The following PCSK5 variants were observed in gnomAD, a reference collection of about 807,000 sequenced individuals.
PCSK5 encodes prohormone convertase 5.
PCSK5 carries 129 observed loss-of-function variants against 233.2 expected under a neutral mutation model. The observed-to-expected ratio is 0.55, with a 90% CI of 0.48 to 0.64. The LOEUF is 0.64. Ranked by LOEUF, PCSK5 falls within the 30% of genes least tolerant of loss-of-function variation. PCSK5 has a pLI of 0.00. For synonymous variants in PCSK5, 825 were observed against 879.2 expected, an observed-to-expected ratio of 0.94 and a Z score of 1.09; for missense variants, 2,076 against 2,430.1, an observed-to-expected ratio of 0.85 and a Z score of 3.06.
chr9:75,898,431 A>G (rs1028011370), intron 1 of PCSK5, among the ~76,000 whole-genome samples: 28 of 152,282 alleles, frequency 1.8e-4, no homozygotes, highest in African/African-American at 6.5e-4. Context: ...CAGTATTGAA[A>G]TTAACACCTG....
chr9:76,126,811 C>T (rs1051475878), intron 9 of PCSK5, among the ~76,000 whole-genome samples: 20 of 152,142 alleles, frequency 1.3e-4, no homozygotes, highest in African/African-American at 2.2e-4. Flanking sequence ...GGGGATTAGA[C>T]GATGAGAGAT....
intron 2 of PCSK5, among the ~76,000 whole-genome samples, chr9:75,945,196 A>G (rs1255549146): frequency 6.6e-6 from 1 of 151,068 alleles, no homozygotes; most frequent in Non-Finnish European, 1.5e-5. Context: ...ATAATATAAC[A>G]TATAAAATAT....
At chr9:75,945,163 T>C (rs1453895043) in intron 2 of PCSK5, among the ~76,000 whole-genome samples, 2 of 150,402 alleles carry the variant, frequency 1.3e-5, no homozygotes, top group East Asian at 3.9e-4. Context: ...AAGAATAACA[T>C]ATAAGATATA....
At chr9:76,114,888 A>G (rs77422553) in intron 9 of PCSK5, among the ~76,000 whole-genome samples, 2,306 of 152,180 alleles carry the variant, frequency 0.015, 62 homozygotes, top group African/African-American at 0.053. Context: ...TTTGTGCTGG[A>G]GCAAGGCAAG....
At chr9:76,285,919 A>C (rs894991069) in intron 24 of PCSK5, among the ~76,000 whole-genome samples, 2 of 152,240 alleles carry the variant, frequency 1.3e-5, no homozygotes, top group African/African-American at 4.8e-5. Context: ...ATAGTGAACT[A>C]TTAAATTTCT....
At chr9:76,127,477 A>G (rs940591662) in intron 9 of PCSK5, among the ~76,000 whole-genome samples, 1 of 151,192 alleles carries the variant, frequency 6.6e-6, no homozygotes, top group Non-Finnish European at 1.5e-5. Context: ...TCCCCAGCCA[A>G]TTAAATTGCC....
At chr9:76,254,124 T>G (rs1158083497) in intron 24 of PCSK5, among the ~76,000 whole-genome samples, 1 of 152,198 alleles carries the variant, frequency 6.6e-6, no homozygotes, top group Admixed American at 6.5e-5. Context: ...ATGTGGCACT[T>G]GTACCTCCTG....
At chr9:76,043,112 C>T (rs575732927) in intron 5 of PCSK5, among the ~76,000 whole-genome samples, 1 of 152,094 alleles carries the variant, frequency 6.6e-6, no homozygotes, top group African/African-American at 2.4e-5. Flanking sequence ...TTTGGGAGGC[C>T]GAGGCGGGCG....
intron 2 of PCSK5, among the ~76,000 whole-genome samples, chr9:75,940,728 A>G (rs1253464584): frequency 6.6e-6 from 1 of 152,200 alleles, no homozygotes; most frequent in Non-Finnish European, 1.5e-5. Flanking sequence ...ACTCCTTATC[A>G]GTCAAATTCC....
At chr9:76,286,246 A>T (rs1554716888) in intron 24 of PCSK5, among the ~76,000 whole-genome samples, 1 of 152,230 alleles carries the variant, frequency 6.6e-6, no homozygotes, top group Non-Finnish European at 1.5e-5. Context: ...AATGAAGAAG[A>T]CAGGCATTAG....
chr9:76,344,033 G>A (rs1397171301), intron 35 of PCSK5, among the ~76,000 whole-genome samples: 2 of 151,928 alleles, frequency 1.3e-5, no homozygotes, highest in African/African-American at 4.8e-5. Context: ...TAAAATTACT[G>A]AGATGTTTTA....
At chr9:76,327,102 ATTTTTTTTTT>A (rs56100078) in intron 32 of PCSK5, among the ~76,000 whole-genome samples, 1 of 128,202 alleles carries the variant, frequency 7.8e-6, no homozygotes, top group Non-Finnish European at 1.6e-5. Flanking sequence ...GCCCATCTCT[ATTTTTTTTTT>A]TTTTTTTTTC....
intron 35 of PCSK5, among the ~76,000 whole-genome samples, chr9:76,349,285 A>G (rs1054903804): frequency 2.1e-5 from 3 of 140,922 alleles, no homozygotes; most frequent in South Asian, 2.3e-4. Flanking sequence ...AAAAAAAAAA[A>G]AAAAAAGAAA....
intron 5 of PCSK5, among the ~76,000 whole-genome samples, chr9:76,060,671 G>T (rs916497193): frequency 6.6e-6 from 1 of 152,132 alleles, no homozygotes; most frequent in Admixed American, 6.5e-5. Context: ...GCTTGTACAT[G>T]GGTATAAGAG....
At chr9:76,330,188 C>A (rs1233463494) in intron 33 of PCSK5, among the ~76,000 whole-genome samples, 1 of 152,144 alleles carries the variant, frequency 6.6e-6, no homozygotes, top group Non-Finnish European at 1.5e-5. Context: ...CCCTCTTGAG[C>A]AAAAAGTGGC....
chr9:76,205,536 T>C (rs555314153), intron 20 of PCSK5, among the ~76,000 whole-genome samples: 1 of 152,186 alleles, frequency 6.6e-6, no homozygotes, highest in Non-Finnish European at 1.5e-5. Context: ...TTCTGTAATA[T>C]GTATTCTCTG....
chr9:76,199,167 AAC>A (rs1378482360), intron 20 of PCSK5, among the ~76,000 whole-genome samples: 1 of 152,170 alleles, frequency 6.6e-6, no homozygotes, highest in Non-Finnish European at 1.5e-5. Context: ...AACATCATAG[AAC>A]ACACTTACAC....
At chr9:76,245,263 G>A (rs1011130557) in intron 24 of PCSK5, among the ~76,000 whole-genome samples, 4 of 152,128 alleles carry the variant, frequency 2.6e-5, no homozygotes, top group African/African-American at 7.2e-5. Flanking sequence ...AAGAGATCAT[G>A]AAAATGTATC....
At chr9:76,246,882 C>T (rs545973758) in intron 24 of PCSK5, among the ~76,000 whole-genome samples, 1 of 152,352 alleles carries the variant, frequency 6.6e-6, no homozygotes, top group South Asian at 2.1e-4. Context: ...AAGATGGTGG[C>T]AGGCCACTTC....
Sources: allele counts gnomAD v4.1 joint callset (sites outside exome capture counted in the v4.1 genomes callset), GRCh38; gene constraint gnomAD v4.1.1; transcripts MANE v1.5; gene names NCBI Gene and HGNC (gene_info 2026-07-23, HGNC 2026-07-21).